The following VIT variants were observed in gnomAD, a reference collection of about 807,000 sequenced individuals.
VIT encodes the protein vitrin.
In VIT, 99 loss-of-function variants were observed where a neutral mutation model predicts 78.0. The ratio of observed to expected loss-of-function variants is 1.27; its 90% CI spans 1.08 to 1.50. The LOEUF is 1.50. Among genes scored for constraint, VIT ranks in the 40% most tolerant of loss-of-function variants. The pLI is 0.00. For missense variants in VIT, 1,126 were observed against 875.3 expected, an observed-to-expected ratio of 1.29 and a Z score of -3.61; for synonymous variants, 374 against 334.3, an observed-to-expected ratio of 1.12 and a Z score of -1.29.
chr2:36,810,198 G>A lies in VIT; in HGVS notation c.1903+1213G>A, dbSNP rs1572587080. Among the ~76,000 whole-genome samples the A allele has an allele frequency of 2.0e-5, 3 of 152,140 alleles. No individual in the cohort carries two copies. In the East Asian group the frequency reaches 5.8e-4, roughly 29 times the overall value. On this transcript the variant is annotated intron_variant, in intron 15 of 15. Transcript: ENST00000379242. ...CCCAGCTACTCAGGAGGCTGAGGCA[G>A]GAGAATTGCTTGAACCCCAGAGGTG...
rs548617626 is a variant in VIT, at chr2:36,766,005, G to A, written c.488-1089G>A. ...CAGTGGGTTGTTCCTTCCCAGGACC[G>A]AGGAGCTGTTCACTTTGGGGGCCAC... On this transcript the variant is annotated intron_variant, in intron 6 of 15. Coordinates refer to ENST00000379242, the MANE Select transcript of VIT (RefSeq NM_053276.4). Among the ~76,000 whole-genome samples the A allele has an allele frequency of 1.6e-4, 24 of 152,354 alleles. No individual in the cohort carries two copies. In the South Asian group the frequency reaches 2.9e-3, roughly 18 times the overall value.
chr2:36,698,261 A>G (rs1664796621), intron 1 of VIT, among the ~76,000 whole-genome samples: 1 of 152,256 alleles, frequency 6.6e-6, no homozygotes, highest in Non-Finnish European at 1.5e-5. Context: ...GGAAATGCTT[A>G]ATATCTATCC....
chr2:36,711,270 T>A (rs1338643888), intron 1 of VIT, among the ~76,000 whole-genome samples: 4 of 152,228 alleles, frequency 2.6e-5, no homozygotes, highest in Non-Finnish European at 4.4e-5. Context: ...TTTTTACACT[T>A]CCTCCACATT....
chr2:36,770,841 T>C (rs1280482307), intron 7 of VIT, among the ~76,000 whole-genome samples: 2 of 152,176 alleles, frequency 1.3e-5, no homozygotes, highest in Non-Finnish European at 2.9e-5. Flanking sequence ...TGAGCTAGCA[T>C]TGAACTTGTC....
intron 9 of VIT, among the ~76,000 whole-genome samples, chr2:36,775,405 A>G (rs188575849): frequency 1.3e-5 from 2 of 152,178 alleles, no homozygotes; most frequent in Admixed American, 1.3e-4. Context: ...AAGCACAAAT[A>G]CCCAGATACA....
intron 1 of VIT, among the ~76,000 whole-genome samples, chr2:36,708,632 G>T (rs1010063739): frequency 6.6e-6 from 1 of 152,122 alleles, no homozygotes; most frequent in Admixed American, 6.5e-5. Context: ...TCCTCTCCCA[G>T]CCTGGCTGAA....
chr2:36,804,302 C>T (rs1324935352), intron 13 of VIT, among the ~76,000 whole-genome samples: 1 of 152,206 alleles, frequency 6.6e-6, no homozygotes, highest in African/African-American at 2.4e-5. Context: ...TGCAACTCTT[C>T]CCTGCCCAAC....
chr2:36,790,815 C>T (rs763323969), intron 12 of VIT, among the ~76,000 whole-genome samples: 1 of 152,186 alleles, frequency 6.6e-6, no homozygotes, highest in Non-Finnish European at 1.5e-5. Context: ...GGATCAAGCC[C>T]CTGTCTTGCA....
intron 12 of VIT, among the ~76,000 whole-genome samples, chr2:36,798,213 C>T (rs1044886598): frequency 2.6e-5 from 4 of 152,074 alleles, no homozygotes; most frequent in Admixed American, 6.5e-5. Context: ...GGGAATTTTG[C>T]GGGCAGAACT....
intron 4 of VIT, among the ~76,000 whole-genome samples, chr2:36,753,602 T>G (rs1335806046): frequency 2.0e-5 from 3 of 152,024 alleles, no homozygotes; most frequent in African/African-American, 4.8e-5. Flanking sequence ...AGAATCTCTG[T>G]GGGGAAGGAG....
intron 12 of VIT, among the ~76,000 whole-genome samples, chr2:36,799,389 A>G (rs1249516790): frequency 6.6e-6 from 1 of 152,086 alleles, no homozygotes; most frequent in Non-Finnish European, 1.5e-5. Context: ...TCCTGGATCC[A>G]TTTCTGGTGT....
chr2:36,719,082 G>A (rs542575213), intron 2 of VIT, among the ~76,000 whole-genome samples: 189 of 152,346 alleles, frequency 1.2e-3, no homozygotes, highest in Non-Finnish European at 1.9e-3. Context: ...AAGAAAGGAA[G>A]ATCTGGCTGT....
chr2:36,800,633 G>A (rs1358814850), intron 12 of VIT, among the ~76,000 whole-genome samples: 2 of 152,228 alleles, frequency 1.3e-5, no homozygotes, highest in East Asian at 1.9e-4. Flanking sequence ...CCGCCCTCCT[G>A]CACGCCTCCA....
rs148990137 is a variant in VIT at position 36,808,356 on chromosome 2, A to G, written c.1390-116A>G. ...GATGGAAGAACACGGTAGGAGGGCT[A>G]GTGCAGAAAACAAGGGCCTGCTTGC... On this transcript the variant is annotated intron_variant, in intron 14 of 15. Coordinates refer to ENST00000379242, the MANE Select transcript of VIT (RefSeq NM_053276.4). 278 of 1,339,894 alleles carry G rather than the reference A, an allele frequency of 2.1e-4. No homozygotes were observed. The African/African-American group carries it at 3.7e-3, about 18-fold the overall frequency. The allele number at this position is 1,339,894 out of a possible 1,614,324, so 83.0% of individuals were successfully genotyped here.
chr2:36,729,846 G>T (rs569322399), intron 3 of VIT, among the ~76,000 whole-genome samples: 98 of 152,294 alleles, frequency 6.4e-4, no homozygotes, highest in African/African-American at 2.0e-3. Context: ...TTTGGCTAAT[G>T]CAAAGGTCTA....
intron 15 of VIT, among the ~76,000 whole-genome samples, chr2:36,813,791 A>C (rs552852033): frequency 6.6e-6 from 1 of 152,174 alleles, no homozygotes; most frequent in Non-Finnish European, 1.5e-5. Context: ...TGTGTCATGT[A>C]TTCTGATCTG....
Position 36,810,363 on chromosome 2 carries a change from T to A in VIT, c.1903+1378T>A, listed in dbSNP as rs762145569. Reference sequence around the variant, plus strand: ...AAGAGGGCAACAAAATTTTAAAATATGAAAAATGAGCAAAATATGTCTGTA... The same window carrying A: ...AAGAGGGCAACAAAATTTTAAAATAAGAAAAATGAGCAAAATATGTCTGTA... On this transcript the variant is annotated intron_variant, in intron 15 of 15. Transcript: ENST00000379242. Among the ~76,000 whole-genome samples, 4 of 152,226 alleles carry A rather than the reference T, an allele frequency of 2.6e-5. No homozygotes were observed. In the East Asian group the frequency reaches 7.7e-4, roughly 29 times the overall value.
intron 1 of VIT, among the ~76,000 whole-genome samples, chr2:36,714,714 C>A (rs1248577329): frequency 6.6e-6 from 1 of 152,232 alleles, no homozygotes; most frequent in Non-Finnish European, 1.5e-5. Context: ...TTCCTCCACC[C>A]ACTTTTACCT....
At chr2:36,752,793 G>A (rs561148403) in intron 4 of VIT, among the ~76,000 whole-genome samples, 2 of 152,342 alleles carry the variant, frequency 1.3e-5, no homozygotes, top group African/African-American at 4.8e-5. Context: ...GTGGAAAACA[G>A]TGTGGCAATC....
Sources: allele counts gnomAD v4.1 joint callset (sites outside exome capture counted in the v4.1 genomes callset), GRCh38; gene constraint gnomAD v4.1.1; transcripts MANE v1.5; gene names NCBI Gene and HGNC (gene_info 2026-07-23, HGNC 2026-07-21).